PROZ: variants seen among roughly 807,000 people sequenced by gnomAD.
PROZ encodes the protein protein Z, vitamin K dependent plasma glycoprotein, also known as vitamin K-dependent protein Z.
PROZ carries 46 observed loss-of-function variants against 34.9 expected under a neutral mutation model. That is an observed-to-expected ratio of 1.32 (90% CI 1.04 to 1.69). The LOEUF (loss-of-function observed/expected upper bound fraction) is 1.69. PROZ is among the 40% of genes most tolerant of loss of function. The probability of loss-of-function intolerance (pLI) is 0.00; values close to 1 mark genes in which losing one functional copy is unlikely to be tolerated. For synonymous variants in PROZ, 195 were observed against 208.5 expected, an observed-to-expected ratio of 0.94 and a Z score of 0.56; for missense variants, 530 against 520.4, an observed-to-expected ratio of 1.02 and a Z score of -0.18.
Position 113,171,921 on chromosome 13 carries a change from A to C in PROZ, c.1019A>C (p.Tyr340Ser). 1.2e-6 allele frequency: 2 copies of C among 1,613,804 alleles called. No individual in the cohort carries two copies. The highest frequency in any genetic ancestry group is 1.7e-6 in the Non-Finnish European group (2 of 1,180,046). The change falls in exon 8 of 8, where the codon TAC becomes TCC. Residue 340 changes from tyrosine to serine, a missense_variant. Coordinates refer to ENST00000375547, the MANE Select transcript of PROZ (RefSeq NM_003891.3). This position sits in a 1 kb window ranked among gnomAD's most constrained non-coding sequence, Gnocchi z 5.1. ...AATGTGACTGTCACCACCAGGACCT[A>C]CTGTGAGAGAAGCAGCGTGGCGGCC... ...VLNVTVTTRT[Y>S]CERSSVAAMH...
At position 113,159,370 on chromosome 13, in the gene PROZ, T is replaced by G; in HGVS notation, c.70+640T>G. ...CCCCCGCCCTGCCCTGCCCAGCACTTACCGTAGCCGGACTTAGCTGAGCCC... is the reference window on the plus strand; with the variant it reads ...CCCCCGCCCTGCCCTGCCCAGCACTGACCGTAGCCGGACTTAGCTGAGCCC... On this transcript the variant is annotated intron_variant, in intron 1 of 7. Coordinates refer to ENST00000375547, the MANE Select transcript of PROZ (RefSeq NM_003891.3). This position sits in a 1 kb window ranked among gnomAD's most constrained non-coding sequence, Gnocchi z 4.6. 8.1e-7 allele frequency: 1 copy of G among 1,231,620 alleles called. No homozygotes were observed. Among genetic ancestry groups the G allele is most frequent in the Non-Finnish European group, 1.2e-6 (1 of 868,424 alleles). 76.3% of individuals were successfully genotyped at this position (1,231,620 alleles called of 1,614,324 possible). A position where few individuals can be genotyped will look rare whatever the true frequency, so the allele number is the denominator to read the frequency against.
At position 113,171,497 on chromosome 13, in the gene PROZ, C is replaced by T. The variant is rs1200633793; in HGVS notation, c.692-97C>T. 1.3e-6 allele frequency: 2 copies of T among 1,518,208 alleles called. No individual in the cohort carries two copies. The highest frequency in any genetic ancestry group is 1.4e-5 in the African/African-American group (1 of 73,064). The allele number at this position is 1,518,208 out of a possible 1,614,324, so 94.0% of individuals were successfully genotyped here. A position where few individuals can be genotyped will look rare whatever the true frequency, so the allele number is the denominator to read the frequency against. The stretch of plus-strand genomic sequence containing the variant: ...AGCCTGCGGGTCCTCCAGGGCCGGT[C>T]TCTCCCTCCTCACGTGGCTCCCTGA... On this transcript the variant is annotated intron_variant, in intron 7 of 7. Transcript: ENST00000375547. The surrounding 1 kb of genome is among the most constrained non-coding windows in gnomAD (Gnocchi z 5.1).
At chr13:113,160,294 G>A in intron 2 of PROZ, 117 bp downstream of exon 2, 1 of 1,285,490 alleles carries the variant, frequency 7.8e-7, no homozygotes. Flanking sequence ...TTACCGATGA[G>A]GTTGACACAA....
intron 6 of PROZ, 130 bp from the exon 7 acceptor site, chr13:113,170,283 G>A (rs960010902): frequency 1.1e-4 from 66 of 624,414 alleles, no homozygotes; most frequent in African/African-American, 2.0e-4. Context: ...AATCAAATAC[G>A]GCTGTCTGCC....
At chr13:113,169,712 GTT>G (rs2037052891) in intron 6 of PROZ, among the ~76,000 whole-genome samples, 1 of 152,238 alleles carries the variant, frequency 6.6e-6, no homozygotes, top group Non-Finnish European at 1.5e-5. Context: ...AGTCAGGGAT[GTT>G]TTAACTCAGC....
intron 3 of PROZ, 43 bp from the exon 4 acceptor site, chr13:113,162,966 C>G: frequency 7.4e-7 from 1 of 1,345,504 alleles, no homozygotes; most frequent in Non-Finnish European, 1.0e-6. Context: ...CTCAGGTCCC[C>G]GTTCCTGTCA....
chr13:113,162,905 C>A, intron 3 of PROZ, 104 bp from the exon 4 acceptor site: 1 of 544,810 alleles, frequency 1.8e-6, no homozygotes, highest in Admixed American at 2.6e-5. Flanking sequence ...CCCACTCCAT[C>A]CTCCTCCTGC....
intron 6 of PROZ, chr13:113,166,051 C>T (rs983716961): frequency 2.0e-5 from 3 of 152,282 alleles, no homozygotes; most frequent in African/African-American, 7.2e-5. Context: ...ACCACCCACA[C>T]TGGCTTTGAT....
Position 113,159,926 on chromosome 13 carries a change from TGGCGGCCGGCC to T in PROZ, c.71-85_71-75del. ...CTGTGGAGACGGACGGGGCTGGGGC[TGGCGGCCGGCC>T]GGGGAGGAAGCCAGGCAGCTCTGGA... On this transcript the variant is annotated intron_variant, in intron 1 of 7. Transcript: ENST00000375547. This position sits in a 1 kb window ranked among gnomAD's most constrained non-coding sequence, Gnocchi z 4.6. 3.3e-6 allele frequency: 5 copies of T among 1,514,456 alleles called. No homozygotes were observed. The South Asian group carries it at 4.5e-5, about 14-fold the overall frequency. The allele number at this position is 1,514,456 out of a possible 1,614,324, so 93.8% of individuals were successfully genotyped here. A position where few individuals can be genotyped will look rare whatever the true frequency, so the allele number is the denominator to read the frequency against.
At chr13:113,161,028 G>C in intron 3 of PROZ, 56 bp downstream of exon 3, 1 of 1,522,624 alleles carries the variant, frequency 6.6e-7, no homozygotes, top group African/African-American at 1.4e-5. Flanking sequence ...TGAGGTGCGT[G>C]GGTGGGCTTA....
intron 6 of PROZ, among the ~76,000 whole-genome samples, chr13:113,168,980 C>G (rs2037029396): frequency 6.6e-6 from 1 of 152,210 alleles, no homozygotes; most frequent in African/African-American, 2.4e-5. Context: ...CCTTCCACCT[C>G]AGCCTCCCAA....
In PROZ at chr13:113,172,037, C is replaced by T. The variant is rs1290943099; in HGVS notation, c.1135C>T (p.Gln379Ter). ...CCTGGGCTCGCAGCCAGTAGGAGGG[C>T]AGGCTCACATGGTCCTTGTCACCAA... The part of the protein sequence containing the change: ...GVLGSQPVGG[Q>*]AHMVLVTKVS... The change falls in exon 8 of 8, where the codon CAG becomes TAG. Residue 379 changes from glutamine (Q) to a stop codon, truncating the protein, a stop_gained. Transcript: ENST00000375547. LOFTEE classifies it low-confidence loss of function (END_TRUNC). 6.2e-7 allele frequency: 1 copy of T among 1,613,018 alleles called. No homozygotes were observed. Among genetic ancestry groups the T allele is most frequent in the East Asian group, 2.2e-5 (1 of 44,892 alleles).
At chr13:113,164,172 G>T (rs1176211039) in intron 4 of PROZ, among the ~76,000 whole-genome samples, 1 of 151,922 alleles carries the variant, frequency 6.6e-6, no homozygotes, top group Non-Finnish European at 1.5e-5. Flanking sequence ...TAGAGATGGG[G>T]TTTCACCATG....
Position 113,159,349 on chromosome 13 carries a change from C to T in PROZ, c.70+619C>T, listed in dbSNP as rs1380988315. Reference sequence around the variant, plus strand: ...TCCCACCCTGAGAGGGTGATCCCCCCGCCCTGCCCTGCCCAGCACTTACCG... The same window carrying T: ...TCCCACCCTGAGAGGGTGATCCCCCTGCCCTGCCCTGCCCAGCACTTACCG... On this transcript the variant is annotated intron_variant, in intron 1 of 7. Transcript: ENST00000375547. The surrounding 1 kb of genome is among the most constrained non-coding windows in gnomAD (Gnocchi z 4.6). 40 of 1,372,546 alleles carry T rather than the reference C, an allele frequency of 2.9e-5. No individual in the cohort carries two copies. The highest frequency in any genetic ancestry group is 3.8e-5 in the Non-Finnish European group (38 of 987,686). 85.0% of individuals were successfully genotyped at this position (1,372,546 alleles called of 1,614,324 possible).
intron 5 of PROZ, 58 bp from the exon 6 acceptor site, chr13:113,164,995 T>G: frequency 1.3e-6 from 2 of 1,505,272 alleles, no homozygotes; most frequent in South Asian, 2.3e-5. Flanking sequence ...ATAGACAGAG[T>G]CCGATATTCG....
Position 113,163,067 on chromosome 13 carries a change from C to G in PROZ, c.318C>G (p.Ile106Met), listed in dbSNP as rs748734473. 9.9e-5 allele frequency: 155 copies of G among 1,563,646 alleles called. No individual in the cohort carries two copies. The highest frequency in any genetic ancestry group is 1.3e-4 in the Non-Finnish European group (151 of 1,153,258). Residue 106 changes from isoleucine (I) to methionine (M), a missense_variant, in exon 4 of 8, where the codon ATC (isoleucine) becomes ATG (methionine). By Grantham distance (10) the Ile-to-Met change is conservative (BLOSUM62 1). Coordinates refer to ENST00000375547, the MANE Select transcript of PROZ (RefSeq NM_003891.3). ...CLHNGSCQDS[I>M]WGYTCTCSPG... ...ACAACGGCTCTTGCCAGGACAGCAT[C>G]TGGGGCTACACCTGCACCTGCTCCC...
In PROZ at chr13:113,159,982, C is replaced by G. The variant is rs777013218; in HGVS notation, c.71-32C>G. On this transcript the variant is annotated intron_variant, in intron 1 of 7. Transcript: ENST00000375547. The surrounding 1 kb of genome is among the most constrained non-coding windows in gnomAD (Gnocchi z 4.6). ...TCTGGAAAGCAGGGCCCTCGGTGCT[C>G]CCAGTCACCTGCCTTCTTGTCTCGT... 32 of 1,612,798 alleles carry G rather than the reference C, an allele frequency of 2.0e-5. No homozygotes were observed. Among genetic ancestry groups the G allele is most frequent in the Non-Finnish European group, 2.0e-5 (24 of 1,179,788 alleles).
chr13:113,165,140 G>C lies in PROZ; in HGVS notation c.573+20G>C. The C allele has an allele frequency of 3.1e-6, 5 of 1,604,026 alleles. No homozygotes were observed. The highest frequency in any genetic ancestry group is 4.3e-6 in the Non-Finnish European group (5 of 1,176,188). On this transcript the variant is annotated intron_variant, in intron 6 of 7. Coordinates refer to ENST00000375547, the MANE Select transcript of PROZ (RefSeq NM_003891.3). ...TGGCAGGTAACAGAGCGCTCTCCGCGTGCTTCAATTTATTGTTATGACTTT... is the reference window on the plus strand; with the variant it reads ...TGGCAGGTAACAGAGCGCTCTCCGCCTGCTTCAATTTATTGTTATGACTTT...
Position 113,171,518 on chromosome 13 carries a change from CCT to C in PROZ, c.692-75_692-74del, listed in dbSNP as rs1007536990. The C allele has an allele frequency of 7.3e-5, 116 of 1,594,288 alleles. No homozygotes were observed. Among genetic ancestry groups the C allele is most frequent in the Admixed American group, 2.2e-4 (13 of 58,608 alleles). On this transcript the variant is annotated intron_variant, in intron 7 of 7. Transcript: ENST00000375547. This position sits in a 1 kb window ranked among gnomAD's most constrained non-coding sequence, Gnocchi z 5.1. ...CGGTCTCTCCCTCCTCACGTGGCTC[CCT>C]GAGAAGCTCGTTTGAGCATTATGTC... is the stretch of plus-strand genomic sequence containing the variant.
Sources: gnomAD v4.1 joint callset for allele counts (sites outside exome capture counted in the v4.1 genomes callset) on GRCh38, gnomAD v4.1.1 for gene constraint, Gnocchi (gnomAD v3.1) non-coding constraint, MANE v1.5 for transcripts, NCBI Gene and HGNC (gene_info 2026-07-23, HGNC 2026-07-21) for gene names.